Variants in APBA2 observed in about 807,000 individuals in gnomAD.
APBA2 encodes amyloid beta precursor protein binding family A member 2.
Under a neutral mutation model 75.0 loss-of-function variants are expected in APBA2, and 30 were observed. The ratio of observed to expected loss-of-function variants is 0.40; its 90% CI spans 0.30 to 0.54. The LOEUF (loss-of-function observed/expected upper bound fraction) is 0.54. Ranked by LOEUF, APBA2 falls within the 20% of genes least tolerant of loss-of-function variation. The probability of loss-of-function intolerance (pLI) is 0.49; values close to 1 mark genes in which losing one functional copy is unlikely to be tolerated. For synonymous variants in APBA2, 444 were observed against 409.6 expected, an observed-to-expected ratio of 1.08 and a Z score of -1.01; for missense variants, 801 against 1,016.1, an observed-to-expected ratio of 0.79 and a Z score of 2.88.
chr15:28,890,735 G>A (rs1218430568), intron 1 of APBA2, among the ~76,000 whole-genome samples: 2 of 152,164 alleles, frequency 1.3e-5, no homozygotes, highest in African/African-American at 4.8e-5. Context: ...TGCAATACAC[G>A]CACGAGGCCT....
intron 1 of APBA2, among the ~76,000 whole-genome samples, chr15:28,901,938 G>GTGTGTGTGTGTGTGTGTGTGTA (rs1268386260): frequency 7.4e-5 from 11 of 147,852 alleles, no homozygotes; most frequent in Non-Finnish European, 1.7e-4. Context: ...GTGTGTGTGT[G>GTGTGTGTGTGTGTGTGTGTGTA]TGTATGTTGG....
intron 2 of APBA2, among the ~76,000 whole-genome samples, chr15:28,993,663 A>G (rs1265261227): frequency 5.3e-5 from 8 of 152,160 alleles, no homozygotes; most frequent in Admixed American, 4.6e-4. Context: ...CGGTGTGATG[A>G]TTCTGTGCCT....
intron 2 of APBA2, among the ~76,000 whole-genome samples, chr15:28,926,227 G>A (rs1436701752): frequency 6.6e-6 from 1 of 152,128 alleles, no homozygotes; most frequent in Admixed American, 6.6e-5. Context: ...ACTGTCTTCT[G>A]TACTTGCCAG....
At chr15:29,078,664 G>A (rs2042958475) in intron 6 of APBA2, among the ~76,000 whole-genome samples, 1 of 151,964 alleles carries the variant, frequency 6.6e-6, no homozygotes, top group Admixed American at 6.6e-5. Context: ...GAGGCAAGAG[G>A]CCGCCGGTTC....
chr15:29,112,753 G>T (rs2044804064), intron 13 of APBA2, among the ~76,000 whole-genome samples: 2 of 152,114 alleles, frequency 1.3e-5, no homozygotes, highest in Admixed American at 1.3e-4. Context: ...GCAGAGTTCT[G>T]TGGCAGTCAG....
At chr15:28,993,685 C>T (rs1354959650) in intron 2 of APBA2, among the ~76,000 whole-genome samples, 1 of 152,158 alleles carries the variant, frequency 6.6e-6, no homozygotes, top group Non-Finnish European at 1.5e-5. Flanking sequence ...TGTCGGAAGT[C>T]AGTGTGAAGC....
rs1055775747 is a variant in APBA2, at chr15:29,098,404, G to C, written c.1252-86G>C. 3.4e-6 allele frequency: 3 copies of C among 889,264 alleles called. No individual in the cohort carries two copies. The African/African-American group carries it at 4.9e-5, about 15-fold the overall frequency. 55.1% of individuals were successfully genotyped at this position (889,264 alleles called of 1,614,324 possible). On this transcript the variant is annotated intron_variant, in intron 8 of 14. Coordinates refer to ENST00000683413, the MANE Select transcript of APBA2 (RefSeq NM_001353788.2). ...TTGGATTTATCTGGTGATTAGGGAT[G>C]TTGAGCATTTTGTCATAATGCTATT...
At chr15:29,037,238 G>T (rs2040797783) in intron 3 of APBA2, among the ~76,000 whole-genome samples, 1 of 152,032 alleles carries the variant, frequency 6.6e-6, no homozygotes, top group South Asian at 2.1e-4. Flanking sequence ...TGAATTTCAT[G>T]TTTACCCTTT....
chr15:29,054,193 C>T lies in APBA2; in HGVS notation c.309C>T (p.Tyr103=). Residue 103 remains tyrosine (Y), a synonymous_variant, in exon 4 of 15, where the codon TAC becomes TAT. Coordinates refer to ENST00000683413, the MANE Select transcript of APBA2 (RefSeq NM_001353788.2). The surrounding 1 kb of genome is among the most constrained non-coding windows in gnomAD (Gnocchi z 6.1). ...AGGGCATCACCTACTACATCCGCTA[C>T]TGCCCTGAGGACGACAGCTACCTAG... is the stretch of plus-strand genomic sequence containing the variant. ...EEEGITYYIR[Y]CPEDDSYLEG... is the part of the protein sequence containing the mutation. The T allele has an allele frequency of 6.2e-7, 1 of 1,614,216 alleles. No individual in the cohort carries two copies. Among genetic ancestry groups the T allele is most frequent in the South Asian group, 1.1e-5 (1 of 91,090 alleles).
At chr15:28,930,432 C>G (rs925222372) in intron 2 of APBA2, among the ~76,000 whole-genome samples, 1 of 152,100 alleles carries the variant, frequency 6.6e-6, no homozygotes, top group Non-Finnish European at 1.5e-5. Flanking sequence ...CGTTCTAAGG[C>G]AATAGAAGGT....
chr15:29,090,514 C>A (rs2043508697), intron 6 of APBA2, among the ~76,000 whole-genome samples: 2 of 152,186 alleles, frequency 1.3e-5, no homozygotes, highest in African/African-American at 4.8e-5. Flanking sequence ...AGGTAGGAGT[C>A]AGATTCCAAA....
chr15:29,079,374 G>A (rs2152930052), intron 6 of APBA2, among the ~76,000 whole-genome samples: 1 of 152,238 alleles, frequency 6.6e-6, no homozygotes, highest in African/African-American at 2.4e-5. Context: ...TGTTCCCTTG[G>A]AGTAGACGGC....
At position 29,117,329 on chromosome 15, in the gene APBA2, G is replaced by T; in HGVS notation, c.*196G>T. 1 of 606,634 alleles carries T rather than the reference G, an allele frequency of 1.6e-6. No individual in the cohort carries two copies. Among genetic ancestry groups the T allele is most frequent in the Non-Finnish European group, 2.9e-6 (1 of 340,700 alleles). 37.6% of individuals were successfully genotyped at this position (606,634 alleles called of 1,614,324 possible). On this transcript the variant is annotated 3_prime_UTR_variant, in exon 15 of 15. Coordinates refer to ENST00000683413, the MANE Select transcript of APBA2 (RefSeq NM_001353788.2). ...AGGGGTATGTCTTTATCAAAGGAGA[G>T]TCACAGAACAAATGTTTGTTTGTAA...
At chr15:29,086,921 C>T (rs2152940822) in intron 6 of APBA2, among the ~76,000 whole-genome samples, 1 of 152,290 alleles carries the variant, frequency 6.6e-6, no homozygotes, top group African/African-American at 2.4e-5. Context: ...TATTTATCCC[C>T]CCACCTCCCA....
At chr15:28,986,226 C>T (rs930415449) in intron 2 of APBA2, among the ~76,000 whole-genome samples, 3 of 152,166 alleles carry the variant, frequency 2.0e-5, no homozygotes, top group African/African-American at 4.8e-5. Flanking sequence ...GCCCACTCTG[C>T]GTCCTTGCTT....
chr15:29,040,652 C>T (rs2040989609), intron 3 of APBA2, among the ~76,000 whole-genome samples: 1 of 152,216 alleles, frequency 6.6e-6, no homozygotes. Flanking sequence ...GTGTTCTCAA[C>T]CTGAGTGGAT....
intron 1 of APBA2, among the ~76,000 whole-genome samples, chr15:28,888,666 A>T (rs1276059590): frequency 6.6e-6 from 1 of 152,158 alleles, no homozygotes; most frequent in Non-Finnish European, 1.5e-5. Context: ...GGTGGCTCGA[A>T]TGTCTTCGGC....
At chr15:28,992,331 T>A (rs8036256) in intron 2 of APBA2, among the ~76,000 whole-genome samples, 1 of 152,222 alleles carries the variant, frequency 6.6e-6, no homozygotes, top group Admixed American at 6.5e-5. Flanking sequence ...AGGAAATGTA[T>A]GAATCGTCTT....
rs1047351579 is a variant in APBA2, at chr15:28,981,642, A to G, written c.-94-14111A>G. ...AAACAGAACTACATTTGACCCAGCA[A>G]TCCCATTCCTCAGTATATTTCCAAA... On this transcript the variant is annotated intron_variant, in intron 2 of 14. Coordinates refer to ENST00000683413, the MANE Select transcript of APBA2 (RefSeq NM_001353788.2). 3.9e-5 allele frequency among the ~76,000 whole-genome samples: 6 copies of G among 152,192 alleles called. No homozygotes were observed. The South Asian group carries it at 6.2e-4, about 16-fold the overall frequency.
Sources: gnomAD v4.1 joint callset for allele counts (sites outside exome capture counted in the v4.1 genomes callset) on GRCh38, gnomAD v4.1.1 for gene constraint, Gnocchi (gnomAD v3.1) non-coding constraint, MANE v1.5 for transcripts, NCBI Gene and HGNC (gene_info 2026-07-23, HGNC 2026-07-21) for gene names.